The following CCDC141 variants were observed in gnomAD, a reference collection of about 807,000 sequenced individuals.
The protein encoded by CCDC141 is coiled-coil domain containing 141, also known as coiled-coil domain-containing protein 141.
In CCDC141, 168 loss-of-function variants were observed where a neutral mutation model predicts 181.0. The ratio of observed to expected loss-of-function variants is 0.93; its 90% CI spans 0.82 to 1.05. CCDC141 has a LOEUF of 1.05. CCDC141 is among the 50% of genes least tolerant of loss of function. CCDC141 has a pLI of 0.00. For synonymous variants in CCDC141, 666 were observed against 642.3 expected, an observed-to-expected ratio of 1.04 and a Z score of -0.56; for missense variants, 1,902 against 1,788.5, an observed-to-expected ratio of 1.06 and a Z score of -1.14.
chr2:178,918,585 T>C (rs1688552738), intron 7 of CCDC141, 128 bp downstream of exon 7: 3 of 648,622 alleles, frequency 4.6e-6, no homozygotes, highest in Non-Finnish European at 7.7e-6. Flanking sequence ...AAGCTCTCTT[T>C]GCTGCTATCA....
chr2:178,950,670 T>C (rs1689917007), intron 5 of CCDC141, among the ~76,000 whole-genome samples: 2 of 152,226 alleles, frequency 1.3e-5, no homozygotes, highest in South Asian at 4.1e-4. Context: ...TTTCTTCTGT[T>C]GAATTTTGGA....
At chr2:179,016,701 CTTCT>C (rs2042554032) in intron 2 of CCDC141, among the ~76,000 whole-genome samples, 1 of 149,600 alleles carries the variant, frequency 6.7e-6, no homozygotes, top group Admixed American at 6.6e-5. Context: ...CAAGAATAAA[CTTCT>C]TTCTTTTTTT....
intron 12 of CCDC141, 57 bp from the exon 13 acceptor site, chr2:178,872,369 G>A: frequency 6.9e-7 from 1 of 1,458,474 alleles, no homozygotes; most frequent in South Asian, 1.3e-5. Flanking sequence ...ACAGCTTTTT[G>A]TTGTATATAA....
chr2:178,917,899 G>A (rs1202703123), intron 7 of CCDC141, among the ~76,000 whole-genome samples: 2 of 152,190 alleles, frequency 1.3e-5, no homozygotes, highest in Non-Finnish European at 2.9e-5. Flanking sequence ...CTAAGGCACT[G>A]TTTCTAGCCT....
chr2:178,873,046 T>C (rs1186602747), intron 12 of CCDC141: 1 of 152,196 alleles, frequency 6.6e-6, no homozygotes, highest in African/African-American at 2.4e-5. Flanking sequence ...TTTATTTCTG[T>C]AGAAACATTT....
chr2:178,885,232 C>A (rs1033442402), intron 10 of CCDC141, 140 bp from the exon 11 acceptor site: 46 of 461,332 alleles, frequency 1.0e-4, no homozygotes, highest in Non-Finnish European at 1.1e-4. Flanking sequence ...AAAGACACAA[C>A]TTCCAAAATT....
At chr2:178,927,220 T>C (rs752609709) in intron 6 of CCDC141, among the ~76,000 whole-genome samples, 17 of 152,170 alleles carry the variant, frequency 1.1e-4, no homozygotes, top group Non-Finnish European at 2.2e-4. Flanking sequence ...CTATACTCAA[T>C]AATCTGTGAA....
intron 2 of CCDC141, among the ~76,000 whole-genome samples, chr2:178,989,536 G>T (rs1295969754): frequency 6.6e-6 from 1 of 151,060 alleles, no homozygotes; most frequent in Non-Finnish European, 1.5e-5. Context: ...AGAGGTTGCA[G>T]TGAGCTGAGA....
chr2:179,031,454 C>T (rs1355118938), intron 2 of CCDC141, among the ~76,000 whole-genome samples: 1 of 151,806 alleles, frequency 6.6e-6, no homozygotes, highest in Non-Finnish European at 1.5e-5. Context: ...TACTGATTTT[C>T]CCTGTTGGTT....
rs182435447 is a variant in CCDC141, at chr2:179,033,162, A to G, written c.225+14122T>C. Among the ~76,000 whole-genome samples, 67 of 151,992 alleles carry G rather than the reference A, an allele frequency of 4.4e-4. 1 individual carries two copies. The highest frequency in any genetic ancestry group is 1.4e-3 in the African/African-American group (60 of 41,514). ...GCTCTCATTCTAGGCTAAGTCCAATACATATGGACAGTTGGTTCTTCACAT... is the reference window on the plus strand; with the variant it reads ...GCTCTCATTCTAGGCTAAGTCCAATGCATATGGACAGTTGGTTCTTCACAT... On this transcript the variant is annotated intron_variant, in intron 2 of 23. Transcript: ENST00000443758.
chr2:178,965,540 C>T (rs1304789849), intron 4 of CCDC141, among the ~76,000 whole-genome samples: 1 of 152,138 alleles, frequency 6.6e-6, no homozygotes, highest in Non-Finnish European at 1.5e-5. Context: ...ATTTTCTCCC[C>T]TACCCAAGGG....
intron 2 of CCDC141, among the ~76,000 whole-genome samples, chr2:179,023,469 A>C (rs1298812407): frequency 1.8e-4 from 27 of 152,218 alleles, no homozygotes; most frequent in Non-Finnish European, 4.0e-4. Context: ...TTAAATATTA[A>C]ACAGATTAAT....
chr2:178,967,794 G>A (rs1388425367), intron 4 of CCDC141, among the ~76,000 whole-genome samples: 7 of 152,032 alleles, frequency 4.6e-5, no homozygotes, highest in Non-Finnish European at 7.4e-5. Flanking sequence ...ACACATACTG[G>A]CAAATCGGGT....
At chr2:179,047,174 A>T in intron 2 of CCDC141, 110 bp downstream of exon 2, 1 of 828,752 alleles carries the variant, frequency 1.2e-6, no homozygotes, top group Non-Finnish European at 1.7e-6. Context: ...TCTACCTGGT[A>T]CCATATTAAA....
intron 23 of CCDC141, among the ~76,000 whole-genome samples, 173 bp from the exon 24 acceptor site, chr2:178,834,613 T>A (rs1684400759): frequency 6.6e-6 from 1 of 152,066 alleles, no homozygotes. Context: ...TTTTCTTTAG[T>A]AGGCTAGATT....
chr2:178,883,265 C>T (rs191110690), intron 11 of CCDC141, among the ~76,000 whole-genome samples: 29 of 152,094 alleles, frequency 1.9e-4, no homozygotes, highest in Non-Finnish European at 5.9e-5. Context: ...CTTGCCAAAC[C>T]ACAAGAGTTT....
the CCDC141 span, among the ~76,000 whole-genome samples, chr2:178,823,171 C>T: frequency 2.2e-4 from 14 of 63,358 alleles, no homozygotes; most frequent in Non-Finnish European, 3.8e-4. Context: ...ATATTAACCA[C>T]CATGATTATT....
intron 11 of CCDC141, among the ~76,000 whole-genome samples, chr2:178,881,910 C>CTA: frequency 9.3e-6 from 1 of 107,492 alleles, no homozygotes; most frequent in African/African-American, 3.7e-5. Context: ...CTCTCTCTCT[C>CTA]TCTCTCACAC....
intron 1 of CCDC141, among the ~76,000 whole-genome samples, chr2:179,048,984 G>A (rs1379203581): frequency 6.6e-6 from 1 of 152,162 alleles, no homozygotes; most frequent in Non-Finnish European, 1.5e-5. Flanking sequence ...AAAGTAACTG[G>A]TTTGTGACCA....
Sources: allele counts gnomAD v4.1 joint callset (sites outside exome capture counted in the v4.1 genomes callset), GRCh38; gene constraint gnomAD v4.1.1; transcripts MANE v1.5; gene names NCBI Gene and HGNC (gene_info 2026-07-23, HGNC 2026-07-21).